SLC4A10: variants seen among roughly 807,000 people sequenced by gnomAD.
The protein encoded by SLC4A10 is sodium-driven chloride bicarbonate exchanger.
A neutral mutation model predicts 137.7 loss-of-function variants in SLC4A10; 42 were observed. The ratio of observed to expected loss-of-function variants is 0.30; its 90% CI spans 0.24 to 0.39. The LOEUF (loss-of-function observed/expected upper bound fraction) is 0.39, where lower values mean the gene tolerates loss of function less well. SLC4A10 is among the 10% of genes least tolerant of loss of function. The pLI is 1.00. For missense variants in SLC4A10, 925 were observed against 1,355.0 expected, an observed-to-expected ratio of 0.68 and a Z score of 4.98; for synonymous variants, 474 against 464.1, an observed-to-expected ratio of 1.02 and a Z score of -0.27.
chr2:161,886,079 A>C (rs1043487957), intron 10 of SLC4A10, among the ~76,000 whole-genome samples: 12 of 152,230 alleles, frequency 7.9e-5, no homozygotes, highest in Non-Finnish European at 1.5e-4. Context: ...AGCCTGGGCA[A>C]TAGAGCCAGA....
intron 1 of SLC4A10, among the ~76,000 whole-genome samples, chr2:161,629,502 C>T (rs936521076): frequency 6.6e-6 from 1 of 151,774 alleles, no homozygotes; most frequent in African/African-American, 2.4e-5. Flanking sequence ...TACATAGCTC[C>T]CCCATTAACA....
intron 3 of SLC4A10, among the ~76,000 whole-genome samples, chr2:161,837,337 T>A (rs1318418484): frequency 1.3e-5 from 2 of 152,062 alleles, no homozygotes; most frequent in African/African-American, 4.8e-5. Flanking sequence ...AAAAATATAA[T>A]AGCCTCAAGA....
intron 1 of SLC4A10, among the ~76,000 whole-genome samples, chr2:161,646,343 G>A (rs1279724374): frequency 1.3e-5 from 2 of 151,890 alleles, no homozygotes; most frequent in Non-Finnish European, 2.9e-5. Flanking sequence ...TTCAATTTTA[G>A]GAACTGAAAT....
intron 15 of SLC4A10, among the ~76,000 whole-genome samples, chr2:161,938,952 T>A (rs575870635): frequency 2.0e-4 from 31 of 152,306 alleles, no homozygotes; most frequent in African/African-American, 6.3e-4. Context: ...CAAAATTTTT[T>A]AAAATTATTT....
chr2:161,924,184 ATCT>A (rs1688660958), intron 15 of SLC4A10, among the ~76,000 whole-genome samples: 2 of 151,712 alleles, frequency 1.3e-5, no homozygotes, highest in Admixed American at 1.3e-4. Flanking sequence ...TTTTTCATTT[ATCT>A]TCTTTAACTT....
intron 1 of SLC4A10, among the ~76,000 whole-genome samples, chr2:161,743,456 C>T (rs1456258593): frequency 6.6e-6 from 1 of 152,114 alleles, no homozygotes; most frequent in South Asian, 2.1e-4. Context: ...TTTGGGTTCT[C>T]TATTCTGTTC....
At position 161,877,354 on chromosome 2, in the gene SLC4A10, A is replaced by G. The variant is rs999820206; in HGVS notation, c.949-1777A>G. On this transcript the variant is annotated intron_variant, in intron 8 of 26. Transcript: ENST00000446997. ...TTGTTCAGTATATTTATATTGTATC[A>G]TTGTTCTTTCCATTGAGAGAGAAAA... Among the ~76,000 whole-genome samples the G allele has an allele frequency of 3.3e-5, 5 of 151,998 alleles. No homozygotes were observed. The East Asian group carries it at 9.6e-4, about 29-fold the overall frequency.
chr2:161,632,015 T>C (rs139587089), intron 1 of SLC4A10, among the ~76,000 whole-genome samples: 15 of 151,868 alleles, frequency 9.9e-5, no homozygotes, highest in African/African-American at 3.6e-4. Flanking sequence ...GGCAGAATTT[T>C]CCCATTGCAT....
rs908001531 is a variant in SLC4A10 at position 161,983,805 on chromosome 2, T to C, written c.*653T>C. 6.6e-6 allele frequency: 1 copy of C among 152,220 alleles called. No homozygotes were observed. The highest frequency in any genetic ancestry group is 2.4e-5 in the African/African-American group (1 of 41,448). 9.4% of individuals were successfully genotyped at this position (152,220 alleles called of 1,614,324 possible). A position where few individuals can be genotyped will look rare whatever the true frequency, so the allele number is the denominator to read the frequency against. On this transcript the variant is annotated 3_prime_UTR_variant, in exon 27 of 27. Transcript: ENST00000446997. ...CTAAAACTTAAAGTCATTTGAAAAA[T>C]ATATAGAAACCTATTTACAACTTGT...
intron 1 of SLC4A10, among the ~76,000 whole-genome samples, chr2:161,655,854 A>G (rs892047757): frequency 4.7e-5 from 7 of 149,490 alleles, no homozygotes; most frequent in African/African-American, 1.8e-4. Flanking sequence ...TCGCTCTGTC[A>G]CCCAGGCTGG....
intron 6 of SLC4A10, among the ~76,000 whole-genome samples, chr2:161,871,832 A>T (rs1246112955): frequency 2.0e-5 from 3 of 152,112 alleles, no homozygotes; most frequent in Non-Finnish European, 4.4e-5. Context: ...GGCTTTTTAG[A>T]TGCAATAGAA....
chr2:161,769,257 C>T (rs2051272579), intron 1 of SLC4A10, among the ~76,000 whole-genome samples: 1 of 151,936 alleles, frequency 6.6e-6, no homozygotes, highest in African/African-American at 2.4e-5. Context: ...ATATTCCTTC[C>T]ATTGTTACCT....
chr2:161,727,881 G>A, intron 1 of SLC4A10, among the ~76,000 whole-genome samples: 1 of 152,062 alleles, frequency 6.6e-6, no homozygotes, highest in East Asian at 1.9e-4. Context: ...GATTTAAAGA[G>A]CTCACCAAAT....
At chr2:161,677,563 A>G (rs2040402534) in intron 1 of SLC4A10, among the ~76,000 whole-genome samples, 1 of 152,202 alleles carries the variant, frequency 6.6e-6, no homozygotes, top group Admixed American at 6.5e-5. Context: ...TCAGTTCATT[A>G]TGGATTGGGA....
rs572594310 is a variant in SLC4A10 at position 161,639,264 on chromosome 2, A to G, written c.48+14698A>G. Among the ~76,000 whole-genome samples the G allele has an allele frequency of 6.6e-5, 10 of 152,216 alleles. 1 individual carries two copies. In the South Asian group the frequency reaches 1.9e-3, roughly 28 times the overall value. On this transcript the variant is annotated intron_variant, in intron 1 of 26. Transcript: ENST00000446997. ...AATTGAAGTGAGGGGAAATTTTTCC[A>G]AACTCATTTGATAAGGCCAGCAATA...
At chr2:161,692,996 T>C (rs1290739668) in intron 1 of SLC4A10, among the ~76,000 whole-genome samples, 2 of 152,154 alleles carry the variant, frequency 1.3e-5, no homozygotes, top group South Asian at 2.1e-4. Context: ...GTTGCTTAAA[T>C]TGAAACAATA....
intron 1 of SLC4A10, among the ~76,000 whole-genome samples, chr2:161,733,609 C>T (rs2047031727): frequency 6.6e-6 from 1 of 152,234 alleles, no homozygotes; most frequent in African/African-American, 2.4e-5. Context: ...CCTACTGGGG[C>T]ACTGCCTAGT....
At chr2:161,884,081 AG>A (rs1471648558) in intron 10 of SLC4A10, among the ~76,000 whole-genome samples, 1 of 152,158 alleles carries the variant, frequency 6.6e-6, no homozygotes, top group Non-Finnish European at 1.5e-5. Context: ...TAACTTAATG[AG>A]GGCCATACAC....
chr2:161,708,836 C>T, intron 1 of SLC4A10: 2 of 1,528,396 alleles, frequency 1.3e-6, no homozygotes, highest in Non-Finnish European at 1.7e-6. Flanking sequence ...TCAGGTATGA[C>T]CTCATGAATT....
Sources: gnomAD v4.1 joint callset for allele counts (sites outside exome capture counted in the v4.1 genomes callset) on GRCh38, gnomAD v4.1.1 for gene constraint, MANE v1.5 for transcripts, NCBI Gene and HGNC (gene_info 2026-07-23, HGNC 2026-07-21) for gene names.